The following GEMIN8 variants were observed in gnomAD, a reference collection of about 807,000 sequenced individuals.
The protein encoded by GEMIN8 is gem nuclear organelle associated protein 8, also known as gem-associated protein 8.
For missense variants in GEMIN8, 185 were observed against 205.9 expected (o/e 0.90, Z 0.62); for synonymous variants, 80 against 78.5 (o/e 1.02, Z -0.10).
At chrX:14,017,530 C>T (rs773064546) in intron 4 of GEMIN8, among the ~76,000 whole-genome samples, 1 of 112,001 alleles carries the variant, frequency 8.9e-6, no homozygotes, top group Admixed American at 9.4e-5. Flanking sequence ...GTACCATATA[C>T]TGGGTGGTTT....
Position 14,017,045 on chromosome X carries a change from T to C in GEMIN8, c.472+3033A>G, listed in dbSNP as rs184809555. On this transcript the variant is annotated intron_variant, in intron 4 of 4. Coordinates refer to ENST00000680255, the MANE Select transcript of GEMIN8 (RefSeq NM_001042479.2). ...CAACTTGGTACCAAGCACCATTCTA[T>C]AACTTTTCTCATATTATCTCATGGA... is the stretch of plus-strand genomic sequence containing the variant. 1.4e-3 allele frequency among the ~76,000 whole-genome samples: 151 copies of C among 108,481 alleles called. 1 individual carries two copies. The highest frequency in any genetic ancestry group is 2.4e-3 in the Non-Finnish European group (125 of 52,403). The allele number at this position is 108,481 out of a possible 115,157, so 94.2% of individuals were successfully genotyped here. A position where few individuals can be genotyped will look rare whatever the true frequency, so the allele number is the denominator to read the frequency against.
At position 14,014,383 on chromosome X, in the gene GEMIN8, C is replaced by T. The variant is rs1016652393; in HGVS notation, c.473-5214G>A. The T allele has an allele frequency of 1.7e-5, 13 of 751,031 alleles. No homozygotes were observed. The African/African-American group carries it at 2.1e-4, about 12-fold the overall frequency. The allele number at this position is 751,031 out of a possible 1,213,427, so 61.9% of individuals were successfully genotyped here. On this transcript the variant is annotated intron_variant, in intron 4 of 4. Coordinates refer to ENST00000680255, the MANE Select transcript of GEMIN8 (RefSeq NM_001042479.2). ...AGACTGGTCTTCTCTCTTCGTCGCA[C>T]ATCCCTTGCCCCATGACAAATGTAA...
intron 4 of GEMIN8, among the ~76,000 whole-genome samples, chrX:14,012,514 GC>G (rs1270214152): frequency 9.0e-6 from 1 of 110,853 alleles, no homozygotes; most frequent in Non-Finnish European, 1.9e-5. Context: ...GTGAACAGTG[GC>G]CCTAAAACAC....
chrX:13,995,042 G>A, the GEMIN8 span, among the ~76,000 whole-genome samples: 3 of 111,888 alleles, frequency 2.7e-5, no homozygotes, highest in African/African-American at 9.7e-5. Flanking sequence ...TAGGGAAGGC[G>A]ACAGTGCACT....
chrX:13,988,182 A>G, the GEMIN8 span, among the ~76,000 whole-genome samples: 1 of 110,984 alleles, frequency 9.0e-6, no homozygotes, highest in Non-Finnish European at 1.9e-5. Flanking sequence ...TTACCCTAGA[A>G]TCTTCTGGGG....
intron 4 of GEMIN8, among the ~76,000 whole-genome samples, chrX:14,018,574 G>C (rs186082496): frequency 1.8e-5 from 2 of 111,598 alleles, no homozygotes; most frequent in East Asian, 5.6e-4. Context: ...ACATGGACAT[G>C]CTCCAATGCT....
chrX:14,013,211 G>A lies in GEMIN8; in HGVS notation c.473-4042C>T, dbSNP rs367901288. On this transcript the variant is annotated intron_variant, in intron 4 of 4. Coordinates refer to ENST00000680255, the MANE Select transcript of GEMIN8 (RefSeq NM_001042479.2). ...TCCTTGCTGTCAAAACAAGGTGAGC[G>A]CTCAGCCAGCCAGATGGAAAATCAT... Among the ~76,000 whole-genome samples the A allele has an allele frequency of 9.8e-5, 11 of 111,855 alleles. No individual in the cohort carries two copies. The East Asian group carries it at 1.4e-3, about 14-fold the overall frequency.
At chrX:13,997,144 G>A in the GEMIN8 span, among the ~76,000 whole-genome samples, 1 of 110,141 alleles carries the variant, frequency 9.1e-6, no homozygotes, top group Non-Finnish European at 1.9e-5. Flanking sequence ...GTTTCACTGT[G>A]TTGGCCAGGA....
chrX:14,020,986 T>G (rs938649240), intron 3 of GEMIN8, among the ~76,000 whole-genome samples: 2 of 110,859 alleles, frequency 1.8e-5, no homozygotes, highest in Non-Finnish European at 3.8e-5. Context: ...CCCCCTAAAC[T>G]AACTTGCTGG....
downstream of GEMIN8, among the ~76,000 whole-genome samples, chrX:14,002,097 C>CA (rs59550732): frequency 0.066 from 1,553 of 23,419 alleles, 190 homozygotes; most frequent in Middle Eastern, 0.16. Context: ...TGCACTCCAG[C>CA]AAAAAAAAAA....
intron 4 of GEMIN8, among the ~76,000 whole-genome samples, chrX:14,014,959 C>T (rs913964965): frequency 8.9e-6 from 1 of 111,760 alleles, no homozygotes; most frequent in African/African-American, 3.3e-5. Context: ...CTGCCTGGGT[C>T]ACTGGCTCTA....
At chrX:14,003,235 T>A (rs1349216703), downstream of GEMIN8, among the ~76,000 whole-genome samples, 2 of 112,672 alleles carry the variant, frequency 1.8e-5, no homozygotes, top group African/African-American at 3.2e-5. Context: ...TTTGAAGACA[T>A]GTACCTTCCA....
chrX:14,002,313 GAGAT>G (rs1180581988), downstream of GEMIN8, among the ~76,000 whole-genome samples: 13 of 94,759 alleles, frequency 1.4e-4, no homozygotes, highest in South Asian at 1.1e-3. Context: ...AAGATGGGTA[GAGAT>G]AGATAGATAG....
At chrX:14,029,147 T>TA (rs762922515) in intron 1 of GEMIN8, among the ~76,000 whole-genome samples, 13 of 112,094 alleles carry the variant, frequency 1.2e-4, no homozygotes, top group Non-Finnish European at 2.1e-4. Context: ...CTGGTTCAAT[T>TA]ACAGCTCATT....
chrX:14,016,866 A>AATATATAT (rs61127994), intron 4 of GEMIN8, among the ~76,000 whole-genome samples: 80 of 57,164 alleles, frequency 1.4e-3, no homozygotes, highest in Non-Finnish European at 2.1e-3. Context: ...AAAAAAAAAA[A>AATATATAT]ATATATATAT....
chrX:14,009,234 A>G (rs1294795729), intron 4 of GEMIN8, 65 bp from the exon 5 acceptor site: 2 of 1,077,552 alleles, frequency 1.9e-6, no homozygotes, highest in Non-Finnish European at 2.5e-6. Context: ...GAAGGAGCCC[A>G]GTGAGTGCTG....
downstream of GEMIN8, among the ~76,000 whole-genome samples, chrX:14,003,471 G>C (rs1361962218): frequency 8.9e-6 from 1 of 112,355 alleles, no homozygotes; most frequent in African/African-American, 3.2e-5. Flanking sequence ...AAACTGGAAG[G>C]GTTTTTCTTG....
At chrX:14,000,256 C>T in the GEMIN8 span, among the ~76,000 whole-genome samples, 3 of 111,106 alleles carry the variant, frequency 2.7e-5, no homozygotes, top group Non-Finnish European at 5.7e-5. Context: ...GCCAAGATCA[C>T]ACCACTGTAC....
intron 4 of GEMIN8, among the ~76,000 whole-genome samples, chrX:14,018,252 C>T (rs1306971716): frequency 8.9e-6 from 1 of 112,583 alleles, no homozygotes; most frequent in Non-Finnish European, 1.9e-5. Flanking sequence ...TGGTTGTTAA[C>T]AATATCTGTA....
Sources: gnomAD v4.1 joint callset for allele counts (sites outside exome capture counted in the v4.1 genomes callset) on GRCh38, gnomAD v4.1.1 for gene constraint, MANE v1.5 for transcripts, NCBI Gene and HGNC (gene_info 2026-07-23, HGNC 2026-07-21) for gene names.